TXNRD3: variants seen among roughly 807,000 people sequenced by gnomAD.
The protein encoded by TXNRD3 is TXNRD3 neighbor gene protein.
A neutral mutation model predicts 78.2 loss-of-function variants in TXNRD3; 68 were observed. The observed-to-expected ratio is 0.87, with a 90% CI of 0.72 to 1.06. The LOEUF is 1.06. Among genes scored for constraint, TXNRD3 ranks in the 50% least tolerant of loss-of-function variants. The pLI, the probability that TXNRD3 is intolerant of heterozygous loss-of-function variation, is 0.00. For missense variants in TXNRD3, 751 were observed against 809.5 expected (o/e 0.93, Z 0.88); for synonymous variants, 296 against 300.1 (o/e 0.99, Z 0.14).
At position 126,637,932 on chromosome 3, in the gene TXNRD3, C is replaced by CTTTTTTT. The variant is rs71615916; in HGVS notation, c.713-3888_713-3882dup. 1.1e-3 allele frequency among the ~76,000 whole-genome samples: 67 copies of CTTTTTTT among 60,234 alleles called. 7 individuals carry two copies. Among genetic ancestry groups the CTTTTTTT allele is most frequent in the African/African-American group, 1.8e-3 (25 of 13,978 alleles). The allele number at this position is 60,234 out of a possible 152,430, so 39.5% of individuals were successfully genotyped here. On this transcript the variant is annotated intron_variant, in intron 6 of 15. Coordinates refer to ENST00000524230, the MANE Select transcript of TXNRD3 (RefSeq NM_052883.3). ...CTTATTTTAACCTATATTTCTCTCT[C>CTTTTTTT]TTTTTTTTTTTTTTTTTTTTTTTTT...
chr3:126,637,932 C>CTTT lies in TXNRD3; in HGVS notation c.713-3884_713-3882dup, dbSNP rs71615916. On this transcript the variant is annotated intron_variant, in intron 6 of 15. Transcript: ENST00000524230. ...CTTATTTTAACCTATATTTCTCTCT[C>CTTT]TTTTTTTTTTTTTTTTTTTTTTTTT... is the stretch of plus-strand genomic sequence containing the variant. Among the ~76,000 whole-genome samples, 447 of 60,256 alleles carry CTTT rather than the reference C, an allele frequency of 7.4e-3. 51 individuals carry two copies. Among genetic ancestry groups the CTTT allele is most frequent in the Middle Eastern group, 0.048 (3 of 62 alleles). The allele number at this position is 60,256 out of a possible 152,430, so 39.5% of individuals were successfully genotyped here.
chr3:126,618,293 G>A (rs183303660), intron 12 of TXNRD3, among the ~76,000 whole-genome samples: 253 of 152,226 alleles, frequency 1.7e-3, no homozygotes, highest in African/African-American at 5.7e-3. Flanking sequence ...AATCAAGCTG[G>A]AGGCATTACA....
intron 6 of TXNRD3, among the ~76,000 whole-genome samples, chr3:126,640,806 A>T (rs978453152): frequency 6.6e-6 from 1 of 151,822 alleles, no homozygotes. Context: ...TCTCTTTTCT[A>T]AGTTCCTCAG....
intron 9 of TXNRD3, among the ~76,000 whole-genome samples, 159 bp downstream of exon 9, chr3:126,630,553 G>A (rs1344753000): frequency 6.6e-6 from 1 of 152,180 alleles, no homozygotes; most frequent in African/African-American, 2.4e-5. Context: ...TATCAGAAGA[G>A]GGGACGAGGG....
In TXNRD3 at chr3:126,616,390, A is replaced by G. The variant is rs575531519; in HGVS notation, c.1525-928T>C. 2.6e-5 allele frequency among the ~76,000 whole-genome samples: 4 copies of G among 152,362 alleles called. No homozygotes were observed. The South Asian group carries it at 8.3e-4, about 32-fold the overall frequency. On this transcript the variant is annotated intron_variant, in intron 12 of 15. Transcript: ENST00000524230. ...CTGGGGACAGCCATCTGATCTCACA[A>G]GAGCCAACACATAAGCTGGCCAGAA... is the stretch of plus-strand genomic sequence containing the variant.
At chr3:126,610,944 T>A in intron 14 of TXNRD3, 93 bp downstream of exon 14, 1 of 774,684 alleles carries the variant, frequency 1.3e-6, no homozygotes, top group Non-Finnish European at 1.9e-6. Context: ...CAAGATCCCG[T>A]CTCTAAAAAA....
In TXNRD3 at chr3:126,644,304, C is replaced by T. The variant is rs1436288989; in HGVS notation, c.512G>A (p.Cys171Tyr). The T allele has an allele frequency of 2.0e-6, 3 of 1,536,150 alleles. No individual in the cohort carries two copies. The highest frequency in any genetic ancestry group is 2.4e-5 in the East Asian group (1 of 40,906). Residue 171 changes from cysteine (C) to tyrosine (Y), a missense_variant, in exon 4 of 16, where the codon TGT becomes TAT. Transcript: ENST00000524230. ...TCATTTCTATATTCATACCTTCGCA[C>T]ATGAAAGGCCTCCAGAACCACCACC...
intron 12 of TXNRD3, among the ~76,000 whole-genome samples, chr3:126,617,419 G>A (rs371512366): frequency 1.2e-4 from 19 of 152,266 alleles, no homozygotes; most frequent in East Asian, 9.6e-4. Flanking sequence ...AATGCCAGCA[G>A]AGACCCCTCC....
chr3:126,613,902 T>C (rs190751230), intron 13 of TXNRD3, among the ~76,000 whole-genome samples: 68 of 152,370 alleles, frequency 4.5e-4, no homozygotes, highest in Middle Eastern at 3.4e-3. Flanking sequence ...AAATTAACTG[T>C]AAAACTGCCT....
At chr3:126,622,741 A>T (rs114910070) in intron 10 of TXNRD3, among the ~76,000 whole-genome samples, 8 of 152,362 alleles carry the variant, frequency 5.3e-5, no homozygotes, top group Non-Finnish European at 1.0e-4. Flanking sequence ...AAAAGTCTAC[A>T]GGCTAAATTA....
At chr3:126,618,540 T>G (rs1346146281) in intron 12 of TXNRD3, among the ~76,000 whole-genome samples, 1 of 152,128 alleles carries the variant, frequency 6.6e-6, no homozygotes, top group Non-Finnish European at 1.5e-5. Flanking sequence ...TACCTCTATA[T>G]CTCACCATGT....
At chr3:126,638,802 T>C (rs1405950062) in intron 6 of TXNRD3, among the ~76,000 whole-genome samples, 1 of 152,198 alleles carries the variant, frequency 6.6e-6, no homozygotes, top group Non-Finnish European at 1.5e-5. Context: ...TATAAGATTT[T>C]ACCCATTCAA....
In TXNRD3 at chr3:126,630,707, C is replaced by T. The variant is rs1314175525; in HGVS notation, c.1197+5G>A. The T allele has an allele frequency of 2.0e-6, 3 of 1,534,092 alleles. No homozygotes were observed. The Admixed American group carries it at 5.9e-5, about 30-fold the overall frequency. Reference sequence around the variant, plus strand: ...AAAAAAATTGCAAATGCCATGCAGCCTTACCATCACAGGTATGAATTTCCG... The same window carrying T: ...AAAAAAATTGCAAATGCCATGCAGCTTTACCATCACAGGTATGAATTTCCG... On this transcript the variant is annotated splice_donor_5th_base_variant and intron_variant, in intron 9 of 15. Coordinates refer to ENST00000524230, the MANE Select transcript of TXNRD3 (RefSeq NM_052883.3).
intron 10 of TXNRD3, among the ~76,000 whole-genome samples, chr3:126,627,090 T>C (rs1938596213): frequency 6.6e-6 from 1 of 152,110 alleles, no homozygotes; most frequent in Admixed American, 6.6e-5. Flanking sequence ...CATCTCTCTC[T>C]ATATATCTCT....
At chr3:126,641,931 T>C (rs1338302671) in intron 6 of TXNRD3, 101 bp downstream of exon 6, 2 of 1,336,844 alleles carry the variant, frequency 1.5e-6, no homozygotes, top group Non-Finnish European at 2.0e-6. Context: ...GTTCATTAAA[T>C]GAATTACGAA....
chr3:126,609,294 C>T (rs965460324), intron 14 of TXNRD3: 3 of 228,240 alleles, frequency 1.3e-5, no homozygotes, highest in Non-Finnish European at 2.9e-5. Context: ...AAAAGGGCAA[C>T]GGAGGCCAGG....
At position 126,607,853 on chromosome 3, in the gene TXNRD3, T is replaced by C. The variant is rs953846839; in HGVS notation, c.*52A>G. Reference sequence around the variant, plus strand: ...AGGCTCATTTTATCCGAGAGCATTCTTATCTTTGAGAGAAATGAGAATATG... The same window carrying C: ...AGGCTCATTTTATCCGAGAGCATTCCTATCTTTGAGAGAAATGAGAATATG... On this transcript the variant is annotated 3_prime_UTR_variant, in exon 16 of 16. Transcript: ENST00000524230. 7.0e-7 allele frequency: 1 copy of C among 1,426,326 alleles called. No homozygotes were observed. 88.4% of individuals were successfully genotyped at this position (1,426,326 alleles called of 1,614,324 possible).
chr3:126,621,883 A>T lies in TXNRD3; in HGVS notation c.1383T>A (p.Pro461=), dbSNP rs1232269838. 6.6e-7 allele frequency: 1 copy of T among 1,513,140 alleles called. No homozygotes were observed. The highest frequency in any genetic ancestry group is 1.3e-5 in the South Asian group (1 of 78,878). The allele number at this position is 1,513,140 out of a possible 1,614,324, so 93.7% of individuals were successfully genotyped here. The change falls in exon 12 of 16, where the codon CCT becomes CCA. Residue 461 remains proline (P), a synonymous_variant. Transcript: ENST00000524230. ...CATTGGTCTGTTCCACATCATTTAC[A>T]GGTATTTTTCCACTCCTATTAGTTT...
intron 9 of TXNRD3, among the ~76,000 whole-genome samples, chr3:126,629,978 T>C (rs1938671176): frequency 6.6e-6 from 1 of 152,186 alleles, no homozygotes; most frequent in African/African-American, 2.4e-5. Flanking sequence ...TGTTTAAAAC[T>C]ATGGGCCTAG....
Sources: allele counts gnomAD v4.1 joint callset (sites outside exome capture counted in the v4.1 genomes callset), GRCh38; gene constraint gnomAD v4.1.1; transcripts MANE v1.5; gene names NCBI Gene and HGNC (gene_info 2026-07-23, HGNC 2026-07-21).